INSR: variants seen among roughly 807,000 people sequenced by gnomAD.
The protein encoded by INSR is IR.
In INSR, 67 loss-of-function variants were observed where a neutral mutation model predicts 142.6. The ratio of observed to expected loss-of-function variants is 0.47; its 90% CI spans 0.39 to 0.58. The LOEUF (loss-of-function observed/expected upper bound fraction) is 0.58. Ranked by LOEUF, INSR falls within the 20% of genes least tolerant of loss-of-function variation. The pLI, the probability that INSR is intolerant of heterozygous loss-of-function variation, is 0.00. For synonymous variants in INSR, 756 were observed against 743.1 expected, an observed-to-expected ratio of 1.02 and a Z score of -0.28; for missense variants, 1,248 against 1,833.2, an observed-to-expected ratio of 0.68 and a Z score of 5.83.
Position 7,125,573 on chromosome 19 carries a change from G to A in INSR, c.3014-46C>T. 6.2e-7 allele frequency: 1 copy of A among 1,606,536 alleles called. No individual in the cohort carries two copies. The highest frequency in any genetic ancestry group is 1.1e-5 in the South Asian group (1 of 90,896). On this transcript the variant is annotated intron_variant, in intron 16 of 21. Coordinates refer to ENST00000302850, the MANE Select transcript of INSR (RefSeq NM_000208.4). The surrounding 1 kb of genome is among the most constrained non-coding windows in gnomAD (Gnocchi z 4.9). The stretch of plus-strand genomic sequence containing the variant: ...CAGCATCCTTGGAGGATCCCTTGGG[G>A]GTCTGCAGCCACCTTCCACCCAAGC...
At position 7,192,113 on chromosome 19, in the gene INSR, AAAG is replaced by A. The variant is rs1400896478; in HGVS notation, c.653-7479_653-7477del. Reference sequence around the variant, plus strand: ...AAAGAATACAGAAAGAGAAAAAAGAAAAGAAAGAGGGAGAAAGAAGAAAGATAA... The same window carrying A: ...AAAGAATACAGAAAGAGAAAAAAGAAAAAGAGGGAGAAAGAAGAAAGATAA... On this transcript the variant is annotated intron_variant, in intron 2 of 21. Coordinates refer to ENST00000302850, the MANE Select transcript of INSR (RefSeq NM_000208.4). This position sits in a 1 kb window ranked among gnomAD's most constrained non-coding sequence, Gnocchi z 4.2. 6.6e-6 allele frequency among the ~76,000 whole-genome samples: 1 copy of A among 150,988 alleles called. No individual in the cohort carries two copies. Among genetic ancestry groups the A allele is most frequent in the Admixed American group, 6.6e-5 (1 of 15,122 alleles).
intron 1 of INSR, among the ~76,000 whole-genome samples, chr19:7,275,840 A>C (rs1968049330): frequency 6.6e-6 from 1 of 151,936 alleles, no homozygotes; most frequent in Non-Finnish European, 1.5e-5. Context: ...AGGGCTCAAG[A>C]GCCACCCGTG....
At chr19:7,136,597 C>T (rs568308760) in intron 13 of INSR, among the ~76,000 whole-genome samples, 1 of 152,080 alleles carries the variant, frequency 6.6e-6, no homozygotes, top group South Asian at 2.1e-4. Flanking sequence ...TCACGAATCC[C>T]CAACAGCCTC....
rs916169841 is a variant in INSR, at chr19:7,293,675, C to A, written c.100+117G>T. The A allele has an allele frequency of 8.0e-6, 7 of 873,610 alleles. No homozygotes were observed. The African/African-American group carries it at 1.2e-4, about 16-fold the overall frequency. The allele number at this position is 873,610 out of a possible 1,614,324, so 54.1% of individuals were successfully genotyped here. On this transcript the variant is annotated intron_variant, in intron 1 of 21. Coordinates refer to ENST00000302850, the MANE Select transcript of INSR (RefSeq NM_000208.4). ...GATGCAGGAGCTACCGTCCTGGCCA[C>A]CGCCCCCCGCCCCTGGGGAGGGTTC...
At chr19:7,179,258 C>T (rs1974215397) in intron 3 of INSR, among the ~76,000 whole-genome samples, 1 of 152,166 alleles carries the variant, frequency 6.6e-6, no homozygotes, top group Non-Finnish European at 1.5e-5. Context: ...TTATGAAACC[C>T]AAACAGTTTG....
intron 2 of INSR, among the ~76,000 whole-genome samples, chr19:7,191,722 G>A (rs985024689): frequency 2.6e-5 from 4 of 152,078 alleles, no homozygotes; most frequent in East Asian, 1.9e-4. Flanking sequence ...CCAGCTACTC[G>A]GGAGACTGAG....
chr19:7,256,236 G>A (rs1311381913), intron 2 of INSR, among the ~76,000 whole-genome samples: 2 of 152,114 alleles, frequency 1.3e-5, no homozygotes, highest in African/African-American at 4.8e-5. Flanking sequence ...TCAGGAGTTC[G>A]AGACCACCCT....
At chr19:7,221,102 A>G (rs1975596797) in intron 2 of INSR, among the ~76,000 whole-genome samples, 1 of 152,180 alleles carries the variant, frequency 6.6e-6, no homozygotes, top group African/African-American at 2.4e-5. Context: ...GGCCGAGCGC[A>G]GTGGCTCACG....
At chr19:7,199,769 C>T (rs1974902460) in intron 2 of INSR, among the ~76,000 whole-genome samples, 1 of 151,968 alleles carries the variant, frequency 6.6e-6, no homozygotes, top group Admixed American at 6.6e-5. Context: ...CTGACACCCT[C>T]TTGGCATTGG....
In INSR at chr19:7,149,929, AAAAG is replaced by A. The variant is rs1425390725; in HGVS notation, c.2267+564_2267+567del. 4.1e-3 allele frequency among the ~76,000 whole-genome samples: 504 copies of A among 122,304 alleles called. 26 individuals carry two copies. The East Asian group carries it at 0.091, about 22-fold the overall frequency. The allele number at this position is 122,304 out of a possible 152,430, so 80.2% of individuals were successfully genotyped here. On this transcript the variant is annotated intron_variant, in intron 11 of 21. Coordinates refer to ENST00000302850, the MANE Select transcript of INSR (RefSeq NM_000208.4). ...AGAAGGAAAGAAAGAAAGAAGGAAA[AAAAG>A]AAAGAAGGAAGGAAGGAAGGAAGGA...
intron 2 of INSR, among the ~76,000 whole-genome samples, chr19:7,251,542 T>G (rs1285423773): frequency 6.6e-6 from 1 of 151,710 alleles, no homozygotes; most frequent in African/African-American, 2.4e-5. Context: ...ATTACAGGCA[T>G]GAGCCACCAT....
chr19:7,158,045 G>GTATTAT (rs72379188), intron 9 of INSR, among the ~76,000 whole-genome samples: 7,694 of 141,082 alleles, frequency 0.055, 433 homozygotes, highest in African/African-American at 0.14. Flanking sequence ...GAAGCTCCTG[G>GTATTAT]TATTATTATT....
intron 6 of INSR, among the ~76,000 whole-genome samples, chr19:7,169,372 C>G (rs1052846058): frequency 1.3e-5 from 2 of 151,846 alleles, no homozygotes; most frequent in African/African-American, 4.8e-5. Flanking sequence ...GAGTTCAAGA[C>G]CACCCTGGCC....
intron 1 of INSR, among the ~76,000 whole-genome samples, chr19:7,277,734 C>T (rs1240147648): frequency 6.6e-6 from 1 of 151,934 alleles, no homozygotes; most frequent in African/African-American, 2.4e-5. Context: ...GAGGTTGAGG[C>T]TGCAGTGAGC....
Position 7,125,988 on chromosome 19 carries a change from G to T in INSR, c.3014-461C>A, listed in dbSNP as rs1304894542. Among the ~76,000 whole-genome samples, 1 of 152,212 alleles carries T rather than the reference G, an allele frequency of 6.6e-6. No individual in the cohort carries two copies. Among genetic ancestry groups the T allele is most frequent in the African/African-American group, 2.4e-5 (1 of 41,458 alleles). On this transcript the variant is annotated intron_variant, in intron 16 of 21. Coordinates refer to ENST00000302850, the MANE Select transcript of INSR (RefSeq NM_000208.4). The surrounding 1 kb of genome is among the most constrained non-coding windows in gnomAD (Gnocchi z 4.9). ...ACCCCTTGGCCCTGGGCATGGCCTTGTGAGTTATTTTGGTCAATGGGAATC... is the reference window on the plus strand; with the variant it reads ...ACCCCTTGGCCCTGGGCATGGCCTTTTGAGTTATTTTGGTCAATGGGAATC...
chr19:7,120,788 C>G (rs371494268), intron 19 of INSR, 39 bp from the exon 20 acceptor site: 3 of 1,609,404 alleles, frequency 1.9e-6, no homozygotes, highest in Admixed American at 3.3e-5. Context: ...TAACCTTCAG[C>G]CTTGGTCCTA....
chr19:7,229,760 C>CTTTTTTTTT lies in INSR; in HGVS notation c.652+37576_652+37584dup, dbSNP rs71177180. ...TTACTCTGGAGGATACATTTACAGT[C>CTTTTTTTTT]TTTTTTTTTTTTTTTTTTTTTTTGA... On this transcript the variant is annotated intron_variant, in intron 2 of 21. Coordinates refer to ENST00000302850, the MANE Select transcript of INSR (RefSeq NM_000208.4). Among the ~76,000 whole-genome samples, 2 of 87,500 alleles carry CTTTTTTTTT rather than the reference C, an allele frequency of 2.3e-5. 1 individual carries two copies. Among genetic ancestry groups the CTTTTTTTTT allele is most frequent in the African/African-American group, 9.2e-5 (2 of 21,700 alleles). 57.4% of individuals were successfully genotyped at this position (87,500 alleles called of 152,430 possible).
intron 2 of INSR, among the ~76,000 whole-genome samples, chr19:7,194,156 C>T (rs185673833): frequency 1.3e-5 from 2 of 152,154 alleles, no homozygotes; most frequent in Admixed American, 6.5e-5. Context: ...TGGTGGCTCA[C>T]GCCTGTAATC....
intron 3 of INSR, 40 bp from the exon 4 acceptor site, chr19:7,174,771 G>C: frequency 1.3e-6 from 2 of 1,598,758 alleles, no homozygotes; most frequent in Non-Finnish European, 1.7e-6. Flanking sequence ...AGAAAGGGGA[G>C]GGGGGTGTCA....
Sources: gnomAD v4.1 joint callset for allele counts (sites outside exome capture counted in the v4.1 genomes callset) on GRCh38, gnomAD v4.1.1 for gene constraint, Gnocchi (gnomAD v3.1) non-coding constraint, MANE v1.5 for transcripts, NCBI Gene and HGNC (gene_info 2026-07-23, HGNC 2026-07-21) for gene names.